The following CEP43 variants were observed in gnomAD, a reference collection of about 807,000 sequenced individuals.
CEP43 encodes centrosomal protein 43, also known as FGFR1 oncogene partner.
In CEP43, 36 loss-of-function variants were observed where a neutral mutation model predicts 52.6. The ratio of observed to expected loss-of-function variants is 0.68; its 90% CI spans 0.52 to 0.90. CEP43 has a LOEUF of 0.90. CEP43 is among the 40% of genes least tolerant of loss of function. The probability of loss-of-function intolerance (pLI) is 0.00; values close to 1 mark genes in which losing one functional copy is unlikely to be tolerated. For synonymous variants in CEP43, 192 were observed against 172.4 expected, an observed-to-expected ratio of 1.11 and a Z score of -0.89; for missense variants, 506 against 472.8, an observed-to-expected ratio of 1.07 and a Z score of -0.65.
At position 167,022,447 on chromosome 6, in the gene CEP43, C is replaced by G. The variant is rs781266860; in HGVS notation, c.618C>G (p.Val206=). 3.1e-6 allele frequency: 5 copies of G among 1,613,938 alleles called. No homozygotes were observed. In the African/African-American group the frequency reaches 6.7e-5, roughly 22 times the overall value. Residue 206 remains valine (V), a synonymous_variant, in exon 8 of 13, where the codon GTC becomes GTG. Coordinates refer to ENST00000366847, the MANE Select transcript of CEP43 (RefSeq NM_007045.4). ...NDEANQSDTS[V]SLSEPKSKSS... ...AGGCCAATCAGAGTGATACAAGTGT[C>G]TCCTTGTCAGAACCCAAGAGCAAAA...
chr6:167,034,018 A>G (rs886677764), intron 12 of CEP43, 47 bp downstream of exon 12: 1 of 836,082 alleles, frequency 1.2e-6, no homozygotes. Flanking sequence ...TTTTTAACCT[A>G]TTTGTCGATT....
intron 7 of CEP43, among the ~76,000 whole-genome samples, chr6:167,017,458 G>A (rs1447927216): frequency 6.6e-6 from 1 of 152,108 alleles, no homozygotes; most frequent in Non-Finnish European, 1.5e-5. Flanking sequence ...GAGCATCCTC[G>A]GACTTTGGTG....
Position 167,041,877 on chromosome 6 carries a change from A to T in CEP43, c.*1899A>T. The T allele has an allele frequency of 4.6e-6, 4 of 873,070 alleles. No homozygotes were observed. The highest frequency in any genetic ancestry group is 5.6e-6 in the Non-Finnish European group (4 of 719,476). 54.1% of individuals were successfully genotyped at this position (873,070 alleles called of 1,614,324 possible). ...CTCACTGTGTCACTCAGACTGGAGT[A>T]CAGTGATGCGATCTCGGCTCACTGC... On this transcript the variant is annotated 3_prime_UTR_variant, in exon 13 of 13. Transcript: ENST00000366847.
At chr6:167,002,037 G>A (rs1242425205) in intron 2 of CEP43, among the ~76,000 whole-genome samples, 1 of 152,042 alleles carries the variant, frequency 6.6e-6, no homozygotes, top group Non-Finnish European at 1.5e-5. Context: ...ACTTTATTGA[G>A]GTAAAATTGA....
intron 10 of CEP43, among the ~76,000 whole-genome samples, chr6:167,032,362 G>C (rs780270256): frequency 6.6e-5 from 10 of 152,152 alleles, no homozygotes; most frequent in Admixed American, 2.0e-4. Context: ...AATTGCCTTA[G>C]AGTACCCGGA....
intron 5 of CEP43, among the ~76,000 whole-genome samples, chr6:167,009,856 A>G (rs535485460): frequency 1.9e-4 from 29 of 152,022 alleles, no homozygotes; most frequent in Admixed American, 1.2e-3. Context: ...AAAATAAAAG[A>G]AAGAAAGAAA....
chr6:167,032,649 A>G lies in CEP43; in HGVS notation c.1028+7A>G, dbSNP rs977566053. The G allele has an allele frequency of 2.5e-6, 4 of 1,571,224 alleles. No individual in the cohort carries two copies. The highest frequency in any genetic ancestry group is 3.5e-6 in the Non-Finnish European group (4 of 1,153,648). Reference sequence around the variant, plus strand: ...ATGTTGATGATTTTAATAGGTAAGAAAAACTATTGGGCAAATATATAAATA... The same window carrying G: ...ATGTTGATGATTTTAATAGGTAAGAGAAACTATTGGGCAAATATATAAATA... On this transcript the variant is annotated splice_region_variant and intron_variant, in intron 11 of 12. Coordinates refer to ENST00000366847, the MANE Select transcript of CEP43 (RefSeq NM_007045.4).
intron 1 of CEP43, 71 bp from the exon 2 acceptor site, chr6:166,999,989 T>G (rs993065754): frequency 7.4e-7 from 1 of 1,354,250 alleles, no homozygotes; most frequent in Admixed American, 1.8e-5. Flanking sequence ...TGTTTGTTGC[T>G]GGATAAATGT....
intron 2 of CEP43, among the ~76,000 whole-genome samples, chr6:167,000,807 C>T (rs1486997360): frequency 6.6e-6 from 1 of 152,204 alleles, no homozygotes; most frequent in African/African-American, 2.4e-5. Flanking sequence ...TTGCTCTGGA[C>T]CCTATGGGTC....
intron 7 of CEP43, among the ~76,000 whole-genome samples, chr6:167,015,265 C>G (rs1453842557): frequency 3.3e-5 from 5 of 152,188 alleles, no homozygotes; most frequent in African/African-American, 4.8e-5. Context: ...ACCTTTTTCC[C>G]TGTACATTTC....
chr6:167,040,728 C>A lies in CEP43; in HGVS notation c.*750C>A. The stretch of plus-strand genomic sequence containing the variant: ...GGTTCTCTTCATTATAATTTATTAT[C>A]TGTAAAGATTCCTTGAAACTTAAAT... On this transcript the variant is annotated 3_prime_UTR_variant, in exon 13 of 13. Coordinates refer to ENST00000366847, the MANE Select transcript of CEP43 (RefSeq NM_007045.4). The A allele has an allele frequency of 9.8e-7, 1 of 1,017,040 alleles. No homozygotes were observed. The highest frequency in any genetic ancestry group is 1.2e-6 in the Non-Finnish European group (1 of 846,380). 63.0% of individuals were successfully genotyped at this position (1,017,040 alleles called of 1,614,324 possible).
chr6:167,036,579 T>G lies in CEP43; in HGVS notation c.1125+2608T>G, dbSNP rs547501042. On this transcript the variant is annotated intron_variant, in intron 12 of 12. Transcript: ENST00000366847. ...CAATCTAATTCAGCAAACGTGAACA[T>G]TTACACTTCATAAAACTTTTCAAAA... The G allele has an allele frequency of 9.1e-6, 9 of 985,402 alleles. No homozygotes were observed. In the South Asian group the frequency reaches 1.9e-4, roughly 21 times the overall value. The allele number at this position is 985,402 out of a possible 1,614,324, so 61.0% of individuals were successfully genotyped here.
At chr6:167,010,332 T>A (rs539130426) in intron 5 of CEP43, among the ~76,000 whole-genome samples, 6 of 152,042 alleles carry the variant, frequency 3.9e-5, no homozygotes, top group Non-Finnish European at 8.8e-5. Context: ...GGAAAAAAAA[T>A]GTGTGAAAGT....
intron 10 of CEP43, chr6:167,027,796 C>A: frequency 1.3e-6 from 1 of 794,534 alleles, no homozygotes; most frequent in Non-Finnish European, 1.5e-6. Flanking sequence ...AATTAAAGTA[C>A]AGTGGCTGGC....
chr6:167,025,093 T>C lies in CEP43; in HGVS notation c.919+199T>C, dbSNP rs1780325121. 5 of 504,212 alleles carry C rather than the reference T, an allele frequency of 9.9e-6. No individual in the cohort carries two copies. The South Asian group carries it at 1.5e-4, about 15-fold the overall frequency. 31.2% of individuals were successfully genotyped at this position (504,212 alleles called of 1,614,324 possible). A position where few individuals can be genotyped will look rare whatever the true frequency, so the allele number is the denominator to read the frequency against. On this transcript the variant is annotated intron_variant, in intron 9 of 12. Coordinates refer to ENST00000366847, the MANE Select transcript of CEP43 (RefSeq NM_007045.4). ...TCCTATTTTATATGTTGTTTTGTATTCTGGCCCTTCCTATACCTATATACC... is the reference window on the plus strand; with the variant it reads ...TCCTATTTTATATGTTGTTTTGTATCCTGGCCCTTCCTATACCTATATACC...
rs775004829 is a variant in CEP43 at position 167,004,319 on chromosome 6, C to T, written c.356C>T (p.Ala119Val). The T allele has an allele frequency of 1.2e-6, 2 of 1,610,420 alleles. No individual in the cohort carries two copies. The highest frequency in any genetic ancestry group is 1.7e-6 in the Non-Finnish European group (2 of 1,178,054). The change falls in exon 5 of 13, where the codon GCA becomes GTA. Residue 119 changes from alanine to valine, a missense_variant. Physicochemically the swap from Ala to Val is moderately conservative, Grantham distance 64. Coordinates refer to ENST00000366847, the MANE Select transcript of CEP43 (RefSeq NM_007045.4). Reference protein sequence around the residue: ...NLARDLGIIEAEGTVGGPLLL... With the variant: ...NLARDLGIIEVEGTVGGPLLL... ...GCCCGAGATTTAGGTATAATTGAAG[C>T]AGAAGGTACTGTGGGTGGACCCTTA...
chr6:167,019,794 T>G (rs940462727), intron 7 of CEP43, among the ~76,000 whole-genome samples: 1 of 152,236 alleles, frequency 6.6e-6, no homozygotes, highest in Non-Finnish European at 1.5e-5. Flanking sequence ...GTTGCTCAGC[T>G]TTGATACTAG....
chr6:167,021,589 G>A (rs7762128), intron 7 of CEP43, among the ~76,000 whole-genome samples: 4,011 of 152,204 alleles, frequency 0.026, 185 homozygotes, highest in African/African-American at 0.093. Flanking sequence ...AGTGAAAGTC[G>A]GCTGTGAAGG....
chr6:167,027,353 A>G (rs1175873261), intron 10 of CEP43, among the ~76,000 whole-genome samples: 1 of 152,158 alleles, frequency 6.6e-6, no homozygotes, highest in African/African-American at 2.4e-5. Flanking sequence ...ACTTTAGGCA[A>G]ACTCATTTAT....
Sources: gnomAD v4.1 joint callset for allele counts (sites outside exome capture counted in the v4.1 genomes callset) on GRCh38, gnomAD v4.1.1 for gene constraint, MANE v1.5 for transcripts, NCBI Gene and HGNC (gene_info 2026-07-23, HGNC 2026-07-21) for gene names.